Variants in KMO observed in about 807,000 individuals in gnomAD.
The protein encoded by KMO is kynurenine 3-monooxygenase.
KMO carries 24 observed loss-of-function variants against 57.8 expected under a neutral mutation model. The observed-to-expected ratio is 0.42, with a 90% confidence interval of 0.30 to 0.58. The LOEUF (loss-of-function observed/expected upper bound fraction) is 0.58, where lower values mean the gene tolerates loss of function less well. Among genes scored for constraint, KMO ranks in the 20% least tolerant of loss-of-function variants. The probability of loss-of-function intolerance (pLI) is 0.22; values close to 1 mark genes in which losing one functional copy is unlikely to be tolerated. For synonymous variants in KMO, 210 were observed against 193.6 expected, an observed-to-expected ratio of 1.08 and a Z score of -0.70; for missense variants, 483 against 588.2, an observed-to-expected ratio of 0.82 and a Z score of 1.85.
At chr1:241,545,440 G>A (rs559781073) in intron 1 of KMO, among the ~76,000 whole-genome samples, 11 of 152,214 alleles carry the variant, frequency 7.2e-5, no homozygotes, top group East Asian at 3.9e-4. Context: ...GGTTCCTTCC[G>A]AGAGCTGTGA....
intron 11 of KMO, 41 bp from the exon 12 acceptor site, chr1:241,588,707 T>C: frequency 6.8e-7 from 1 of 1,461,954 alleles, no homozygotes; most frequent in Non-Finnish European, 9.6e-7. Flanking sequence ...TCAGCACATT[T>C]TTATAGAAGG....
intron 1 of KMO, among the ~76,000 whole-genome samples, chr1:241,535,954 A>G (rs542976877): frequency 2.6e-5 from 4 of 152,332 alleles, no homozygotes; most frequent in African/African-American, 9.6e-5. Context: ...TTTACTTCGT[A>G]GATCTAAAGA....
At chr1:241,586,847 T>G (rs1222922436) in intron 11 of KMO, 111 bp downstream of exon 11, 11 of 730,102 alleles carry the variant, frequency 1.5e-5, no homozygotes, top group Non-Finnish European at 2.5e-5. Context: ...GTATATTATC[T>G]CCCCAGGATT....
At chr1:241,575,866 C>T (rs1662494735) in intron 10 of KMO, among the ~76,000 whole-genome samples, 1 of 151,916 alleles carries the variant, frequency 6.6e-6, no homozygotes, top group Non-Finnish European at 1.5e-5. Context: ...GTGTTAAAGT[C>T]CCCACTATTA....
At chr1:241,587,529 C>A (rs1221522777) in intron 11 of KMO, among the ~76,000 whole-genome samples, 2 of 152,132 alleles carry the variant, frequency 1.3e-5, no homozygotes, top group Non-Finnish European at 2.9e-5. Flanking sequence ...TCAGTCTTGG[C>A]TCACTGCAAC....
intron 10 of KMO, among the ~76,000 whole-genome samples, chr1:241,578,495 A>T (rs959710397): frequency 6.6e-6 from 1 of 152,118 alleles, no homozygotes; most frequent in Non-Finnish European, 1.5e-5. Context: ...AACACAGTGG[A>T]GCTGCCACAC....
chr1:241,575,653 G>A (rs1254120592), intron 10 of KMO, among the ~76,000 whole-genome samples: 3 of 151,998 alleles, frequency 2.0e-5, no homozygotes, highest in African/African-American at 4.8e-5. Flanking sequence ...TGATTTTGAT[G>A]TTTTAAAATT....
chr1:241,583,031 C>T (rs1389351045), intron 10 of KMO, among the ~76,000 whole-genome samples: 1 of 152,148 alleles, frequency 6.6e-6, no homozygotes, highest in Non-Finnish European at 1.5e-5. Flanking sequence ...ACAACTCTTG[C>T]CAAGTCCTAG....
At chr1:241,533,979 A>G (rs1050263136) in intron 1 of KMO, among the ~76,000 whole-genome samples, 1 of 152,250 alleles carries the variant, frequency 6.6e-6, no homozygotes, top group East Asian at 1.9e-4. Flanking sequence ...CCCAAGTTCA[A>G]GGAGCAGAAA....
chr1:241,586,161 G>C (rs1184767806), intron 10 of KMO, among the ~76,000 whole-genome samples: 1 of 142,106 alleles, frequency 7.0e-6, no homozygotes, highest in Admixed American at 7.1e-5. Context: ...ATTGGACAAA[G>C]ATAACACTGC....
intron 1 of KMO, among the ~76,000 whole-genome samples, chr1:241,546,315 T>C (rs1041815163): frequency 1.3e-5 from 2 of 152,180 alleles, no homozygotes; most frequent in Non-Finnish European, 2.9e-5. Flanking sequence ...GTCCTCAGCC[T>C]CTCTTGCATT....
At chr1:241,563,154 T>A (rs918846479) in intron 7 of KMO, among the ~76,000 whole-genome samples, 13 of 152,194 alleles carry the variant, frequency 8.5e-5, no homozygotes, top group African/African-American at 3.1e-4. Context: ...TGTTGTAAAG[T>A]GATTTCTATT....
chr1:241,550,929 A>G (rs200816860), intron 3 of KMO, 26 bp from the exon 4 acceptor site: 1 of 1,092,472 alleles, frequency 9.2e-7, no homozygotes, highest in Admixed American at 2.6e-5. Flanking sequence ...CTGTCATTGA[A>G]GTCAATATTT....
At chr1:241,566,749 A>G in intron 9 of KMO, 137 bp downstream of exon 9, 1 of 899,616 alleles carries the variant, frequency 1.1e-6, no homozygotes, top group Non-Finnish European at 1.7e-6. Context: ...CATTAGAGCA[A>G]AAGTCTAAGT....
rs570072699 is a variant in KMO, at chr1:241,532,897, A to G, written c.54+399A>G. Among the ~76,000 whole-genome samples the G allele has an allele frequency of 1.6e-3, 238 of 152,362 alleles. 1 individual carries two copies. The highest frequency in any genetic ancestry group is 2.7e-3 in the Non-Finnish European group (184 of 68,030). On this transcript the variant is annotated intron_variant, in intron 1 of 14. Coordinates refer to ENST00000366559, the MANE Select transcript of KMO (RefSeq NM_003679.5). The stretch of plus-strand genomic sequence containing the variant: ...TTTGTTCCGCTTTGTTTAATAACTC[A>G]GTTAATGCTGTCTAATGAGAATAAA...
At chr1:241,590,928 A>C (rs770575385) in intron 14 of KMO, among the ~76,000 whole-genome samples, 2 of 152,154 alleles carry the variant, frequency 1.3e-5, no homozygotes, top group Non-Finnish European at 1.5e-5. Context: ...CATGAGAAAC[A>C]TATTTCAGTG....
chr1:241,563,217 G>T (rs1255078877), intron 7 of KMO, among the ~76,000 whole-genome samples: 2 of 152,150 alleles, frequency 1.3e-5, no homozygotes, highest in East Asian at 1.9e-4. Context: ...CAAATAAGTG[G>T]TATGTAATGT....
intron 7 of KMO, among the ~76,000 whole-genome samples, chr1:241,564,423 T>C (rs1365778562): frequency 6.6e-6 from 1 of 152,146 alleles, no homozygotes; most frequent in Non-Finnish European, 1.5e-5. Flanking sequence ...GATAAGACTC[T>C]TCTCTATTAT....
Position 241,566,621 on chromosome 1 carries a change from CA to C in KMO, c.809+11del, listed in dbSNP as rs760071816. 3 of 1,613,060 alleles carry C rather than the reference CA, an allele frequency of 1.9e-6. No individual in the cohort carries two copies. In the African/African-American group the frequency reaches 4.0e-5, roughly 22 times the overall value. On this transcript the variant is annotated intron_variant, in intron 9 of 14. Transcript: ENST00000366559. ...ATCCCTCTAATTGGAGAGTAAGTTG[CA>C]AGATGTGCCTTTTGCTCCATTTGTT...
Sources: gnomAD v4.1 joint callset for allele counts (sites outside exome capture counted in the v4.1 genomes callset) on GRCh38, gnomAD v4.1.1 for gene constraint, MANE v1.5 for transcripts, NCBI Gene and HGNC (gene_info 2026-07-23, HGNC 2026-07-21) for gene names.